IGSF5: variants seen among roughly 807,000 people sequenced by gnomAD.
IGSF5 encodes immunoglobulin superfamily 5 like.
Under a neutral mutation model 39.4 loss-of-function variants are expected in IGSF5, and 41 were observed. The ratio of observed to expected loss-of-function variants is 1.04; its 90% CI spans 0.81 to 1.35. The LOEUF is 1.35. Ranked by LOEUF, IGSF5 falls within the 40% of genes most tolerant of loss-of-function variation. The pLI is 0.00. For synonymous variants in IGSF5, 183 were observed against 175.3 expected (o/e 1.04, Z -0.34); for missense variants, 487 against 494.6 (o/e 0.98, Z 0.15).
At chr21:39,741,972 C>T (rs978491679), upstream of IGSF5, among the ~76,000 whole-genome samples, 1 of 152,006 alleles carries the variant, frequency 6.6e-6, no homozygotes, top group Admixed American at 6.6e-5. Flanking sequence ...TTTTACTAGG[C>T]CTTGGGCTTT....
intron 8 of IGSF5, among the ~76,000 whole-genome samples, chr21:39,794,947 G>T (rs1468646955): frequency 6.6e-6 from 1 of 152,104 alleles, no homozygotes; most frequent in Non-Finnish European, 1.5e-5. Context: ...TGTTTTTCAG[G>T]CCTGTAGGGG....
At chr21:39,727,591 T>C in the IGSF5 span, among the ~76,000 whole-genome samples, 172 of 152,302 alleles carry the variant, frequency 1.1e-3, 3 homozygotes, top group East Asian at 0.025. Flanking sequence ...TAAGCGCTGA[T>C]AGAAATCTAG....
chr21:39,765,590 G>A lies in IGSF5; in HGVS notation c.156G>A (p.Lys52=). Residue 52 remains lysine, a synonymous_variant, in exon 3 of 9, where the codon AAG becomes AAA. Transcript: ENST00000380588. ...IEGPQNARVL[K]GSQARFNCTV... is the part of the protein sequence containing the mutation. ...GCCCCCAAAATGCAAGAGTCCTGAA[G>A]GGCTCCCAGGCTCGCTTCAACTGCA... 6.2e-7 allele frequency: 1 copy of A among 1,614,134 alleles called. No homozygotes were observed. The highest frequency in any genetic ancestry group is 1.1e-5 in the South Asian group (1 of 91,074).
intron 7 of IGSF5, 133 bp from the exon 8 acceptor site, chr21:39,793,401 A>T: frequency 1.7e-6 from 1 of 599,098 alleles, no homozygotes; most frequent in South Asian, 2.5e-5. Flanking sequence ...AATTTAAAAA[A>T]AGTGTTCATG....
chr21:39,761,277 G>A (rs941593936), intron 2 of IGSF5, among the ~76,000 whole-genome samples: 23 of 152,210 alleles, frequency 1.5e-4, no homozygotes, highest in African/African-American at 5.3e-4. Flanking sequence ...AGATTTAAAT[G>A]TAAAACTTCA....
At chr21:39,738,517 G>C in the IGSF5 span, among the ~76,000 whole-genome samples, 1 of 152,162 alleles carries the variant, frequency 6.6e-6, no homozygotes. The surrounding 1 kb of genome is among the most constrained non-coding windows in gnomAD (Gnocchi z 6.4). Flanking sequence ...CAGGAGAAAA[G>C]GCATACACAT....
At chr21:39,744,770 T>C (rs979155991), upstream of IGSF5, among the ~76,000 whole-genome samples, 12 of 152,280 alleles carry the variant, frequency 7.9e-5, no homozygotes, top group African/African-American at 2.9e-4. Flanking sequence ...AATTCTGAAC[T>C]GGTGAGGTGT....
intron 2 of IGSF5, among the ~76,000 whole-genome samples, chr21:39,747,574 A>G (rs2079981946): frequency 6.6e-6 from 1 of 152,260 alleles, no homozygotes; most frequent in South Asian, 2.1e-4. Context: ...CTCCAAGTTA[A>G]TAAGGATGAT....
chr21:39,757,255 A>T (rs1199867305), intron 2 of IGSF5, among the ~76,000 whole-genome samples: 1 of 80,050 alleles, frequency 1.2e-5, no homozygotes, highest in Non-Finnish European at 2.6e-5. Context: ...AGGCCATATC[A>T]TCTATTTATT....
chr21:39,784,974 T>C (rs1336233512), intron 5 of IGSF5, among the ~76,000 whole-genome samples: 1 of 151,730 alleles, frequency 6.6e-6, no homozygotes, highest in African/African-American at 2.4e-5. Context: ...TCCTTTCTTT[T>C]TTTTTTTTTC....
At position 39,760,792 on chromosome 21, in the gene IGSF5, G is replaced by A. The variant is rs146687710; in HGVS notation, c.101-4743G>A. Among the ~76,000 whole-genome samples, 333 of 152,176 alleles carry A rather than the reference G, an allele frequency of 2.2e-3. 3 individuals are homozygous for A. Among genetic ancestry groups the A allele is most frequent in the African/African-American group, 7.4e-3 (309 of 41,504 alleles). ...TCACTATGTTGGCCAGGATGGTCTC[G>A]ATCTCTTGACCTCATGATCCGCCCA... On this transcript the variant is annotated intron_variant, in intron 2 of 8. Coordinates refer to ENST00000380588, the MANE Select transcript of IGSF5 (RefSeq NM_001080444.2).
At chr21:39,741,693 T>A (rs2079949440), upstream of IGSF5, among the ~76,000 whole-genome samples, 1 of 152,080 alleles carries the variant, frequency 6.6e-6, no homozygotes, top group Non-Finnish European at 1.5e-5. Context: ...CCAGGTGAGT[T>A]GAGATGTTGG....
rs60669244 is a variant in IGSF5 at position 39,748,301 on chromosome 21, CTTTTTTTT to C, written c.100+2023_100+2030del. ...TGTGCAAGTGAAGAGAAAACAAGAT[CTTTTTTTT>C]TTTTTTTTTTTTTTTTTTTGAGACA... On this transcript the variant is annotated intron_variant, in intron 2 of 8. Coordinates refer to ENST00000380588, the MANE Select transcript of IGSF5 (RefSeq NM_001080444.2). Among the ~76,000 whole-genome samples, 105 of 58,238 alleles carry C rather than the reference CTTTTTTTT, an allele frequency of 1.8e-3. 1 individual carries two copies. Among genetic ancestry groups the C allele is most frequent in the Non-Finnish European group, 2.9e-3 (95 of 33,000 alleles). 38.2% of individuals were successfully genotyped at this position (58,238 alleles called of 152,430 possible).
intron 5 of IGSF5, 26 bp downstream of exon 5, chr21:39,779,331 G>T (rs1282726650): frequency 6.2e-7 from 1 of 1,603,354 alleles, no homozygotes; most frequent in South Asian, 1.1e-5. Context: ...ATTTACATTT[G>T]TACATACTTC....
the IGSF5 span, among the ~76,000 whole-genome samples, chr21:39,733,524 A>C: frequency 3.8e-4 from 58 of 152,224 alleles, no homozygotes; most frequent in Admixed American, 1.3e-4. Context: ...AGTGACTTAA[A>C]ATTATTTCAT....
intron 6 of IGSF5, chr21:39,791,722 C>G (rs2086966462): frequency 3.2e-6 from 1 of 311,854 alleles, no homozygotes; most frequent in African/African-American, 2.1e-5. Flanking sequence ...AGCTTGCTGA[C>G]TCTTGTTTTA....
intron 8 of IGSF5, among the ~76,000 whole-genome samples, chr21:39,794,647 C>T (rs141450363): frequency 5.3e-5 from 8 of 152,112 alleles, no homozygotes; most frequent in Non-Finnish European, 8.8e-5. Context: ...TATTTCAATG[C>T]GATTCTGTGA....
At chr21:39,745,775 C>A (rs188510643) in intron 1 of IGSF5, among the ~76,000 whole-genome samples, 1 of 152,288 alleles carries the variant, frequency 6.6e-6, no homozygotes, top group South Asian at 2.1e-4. Context: ...CAGGCGGCCA[C>A]GCTAATCGTT....
At chr21:39,787,063 C>G (rs562878305) in intron 5 of IGSF5, among the ~76,000 whole-genome samples, 9 of 152,134 alleles carry the variant, frequency 5.9e-5, no homozygotes, top group African/African-American at 2.2e-4. Context: ...ACATATGTAA[C>G]TAACCTGCAC....
Sources: gnomAD v4.1 joint callset for allele counts (sites outside exome capture counted in the v4.1 genomes callset) on GRCh38, gnomAD v4.1.1 for gene constraint, Gnocchi (gnomAD v3.1) non-coding constraint, MANE v1.5 for transcripts, NCBI Gene and HGNC (gene_info 2026-07-23, HGNC 2026-07-21) for gene names.